Variants in PIP5K1C observed in about 807,000 individuals in gnomAD.
PIP5K1C encodes the protein phosphatidylinositol-4-phosphate 5-kinase type 1 gamma.
A neutral mutation model predicts 80.1 loss-of-function variants in PIP5K1C; 45 were observed. That is an observed-to-expected ratio of 0.56 (90% CI 0.44 to 0.72). The LOEUF (loss-of-function observed/expected upper bound fraction) is 0.72. PIP5K1C is among the 30% of genes least tolerant of loss of function. PIP5K1C has a pLI of 0.00. For synonymous variants in PIP5K1C, 498 were observed against 420.1 expected, an observed-to-expected ratio of 1.19 and a Z score of -2.27; for missense variants, 753 against 954.6, an observed-to-expected ratio of 0.79 and a Z score of 2.78.
At chr19:3,677,412 G>A (rs1162462521) in intron 1 of PIP5K1C, among the ~76,000 whole-genome samples, 7 of 151,936 alleles carry the variant, frequency 4.6e-5, no homozygotes, top group Admixed American at 3.3e-4. Flanking sequence ...GTGAAACCCC[G>A]TCTCTACTGA....
At chr19:3,646,098 G>C in intron 10 of PIP5K1C, 40 bp from the exon 11 acceptor site, 1 of 1,306,804 alleles carries the variant, frequency 7.7e-7, no homozygotes, top group Non-Finnish European at 1.1e-6. Flanking sequence ...GGCAGAGGGT[G>C]CATCAATCAA....
chr19:3,645,395 G>A (rs187415671), intron 11 of PIP5K1C, among the ~76,000 whole-genome samples: 190 of 152,260 alleles, frequency 1.2e-3, no homozygotes, highest in African/African-American at 4.3e-3. Context: ...CAGAGTCTGC[G>A]TCCAGATGCT....
chr19:3,633,677 C>A (rs986647181), intron 16 of PIP5K1C, among the ~76,000 whole-genome samples, 157 bp from the exon 17 acceptor site: 1 of 152,132 alleles, frequency 6.6e-6, no homozygotes, highest in Admixed American at 6.5e-5. Context: ...CTCTCTGACC[C>A]GGTGGACTTG....
chr19:3,695,035 G>A (rs1340388715), intron 1 of PIP5K1C, among the ~76,000 whole-genome samples: 1 of 152,270 alleles, frequency 6.6e-6, no homozygotes, highest in Non-Finnish European at 1.5e-5. Context: ...TGTGGCCGTT[G>A]CCAATAAAAC....
At chr19:3,677,252 A>C (rs1358463666) in intron 1 of PIP5K1C, among the ~76,000 whole-genome samples, 2 of 152,114 alleles carry the variant, frequency 1.3e-5, no homozygotes, top group Non-Finnish European at 2.9e-5. Context: ...ATAAGACTAG[A>C]AAAAGAGAAA....
chr19:3,633,947 G>A (rs1031747967), intron 16 of PIP5K1C, among the ~76,000 whole-genome samples: 2 of 152,130 alleles, frequency 1.3e-5, no homozygotes, highest in African/African-American at 4.8e-5. Flanking sequence ...CTCTATGGGG[G>A]TCCTGGGAGG....
At position 3,648,526 on chromosome 19, in the gene PIP5K1C, ACCCGGGCG is replaced by A. The variant is rs1259750707; in HGVS notation, c.1211+91_1211+98del. On this transcript the variant is annotated intron_variant, in intron 9 of 17. Transcript: ENST00000335312. This position sits in a 1 kb window ranked among gnomAD's most constrained non-coding sequence, Gnocchi z 4.3. ...CAGGCGCCCACCTGTGGGGCTGCAGACCCGGGCGCCCACCTGTGGGGCTGCAGACCCGG... is the reference window on the plus strand; with the variant it reads ...CAGGCGCCCACCTGTGGGGCTGCAGACCCACCTGTGGGGCTGCAGACCCGG... The A allele has an allele frequency of 2.0e-5, 9 of 444,708 alleles. No homozygotes were observed. Among genetic ancestry groups the A allele is most frequent in the South Asian group, 8.8e-5 (4 of 45,260 alleles). 27.5% of individuals were successfully genotyped at this position (444,708 alleles called of 1,614,324 possible).
chr19:3,637,232 G>A lies in PIP5K1C; in HGVS notation c.1920+1652C>T. The A allele has an allele frequency of 2.8e-6, 4 of 1,442,202 alleles. No individual in the cohort carries two copies. Among genetic ancestry groups the A allele is most frequent in the Non-Finnish European group, 3.6e-6 (4 of 1,101,918 alleles). The allele number at this position is 1,442,202 out of a possible 1,614,324, so 89.3% of individuals were successfully genotyped here. Reference sequence around the variant, plus strand: ...GGGCTGGGTCCAGGGGCAGAGAGGGGCTCGCTGGGGTCTGGCCGGGGTCCG... The same window carrying A: ...GGGCTGGGTCCAGGGGCAGAGAGGGACTCGCTGGGGTCTGGCCGGGGTCCG... On this transcript the variant is annotated intron_variant, in intron 16 of 17. Coordinates refer to ENST00000335312, the MANE Select transcript of PIP5K1C (RefSeq NM_012398.3). The surrounding 1 kb of genome is among the most constrained non-coding windows in gnomAD (Gnocchi z 7.0).
intron 1 of PIP5K1C, among the ~76,000 whole-genome samples, chr19:3,697,566 G>A (rs375708220): frequency 1.3e-5 from 2 of 152,356 alleles, no homozygotes; most frequent in African/African-American, 4.8e-5. Context: ...GGACAGGGAA[G>A]GAGTCAGTGG....
In PIP5K1C at chr19:3,688,545, G is replaced by A. The variant is rs1303367976; in HGVS notation, c.94+11752C>T. Among the ~76,000 whole-genome samples the A allele has an allele frequency of 6.6e-6, 1 of 152,162 alleles. No individual in the cohort carries two copies. Among genetic ancestry groups the A allele is most frequent in the Admixed American group, 6.5e-5 (1 of 15,278 alleles). ...TTTCAACTCCTGCTGTGAGCACCTGGCCTTTCCCTGGTCCACTGAGAGCCG... is the reference window on the plus strand; with the variant it reads ...TTTCAACTCCTGCTGTGAGCACCTGACCTTTCCCTGGTCCACTGAGAGCCG... On this transcript the variant is annotated intron_variant, in intron 1 of 17. Transcript: ENST00000335312. The surrounding 1 kb of genome is among the most constrained non-coding windows in gnomAD (Gnocchi z 5.3).
chr19:3,648,561 C>T lies in PIP5K1C; in HGVS notation c.1211+64G>A, dbSNP rs1352897293. ...CCACCTGTGGGGCTGCAGACCCGGGCGCCCACCTGTGGGACTGCAGACCCG... is the reference window on the plus strand; with the variant it reads ...CCACCTGTGGGGCTGCAGACCCGGGTGCCCACCTGTGGGACTGCAGACCCG... On this transcript the variant is annotated intron_variant, in intron 9 of 17. Transcript: ENST00000335312. This position sits in a 1 kb window ranked among gnomAD's most constrained non-coding sequence, Gnocchi z 4.3. 3.1e-5 allele frequency: 34 copies of T among 1,102,206 alleles called. No homozygotes were observed. The highest frequency in any genetic ancestry group is 4.2e-5 in the Non-Finnish European group (32 of 768,508). The allele number at this position is 1,102,206 out of a possible 1,614,324, so 68.3% of individuals were successfully genotyped here. A position where few individuals can be genotyped will look rare whatever the true frequency, so the allele number is the denominator to read the frequency against.
intron 1 of PIP5K1C, among the ~76,000 whole-genome samples, chr19:3,674,797 G>A (rs377519938): frequency 1.3e-5 from 2 of 152,294 alleles, no homozygotes; most frequent in African/African-American, 4.8e-5. Flanking sequence ...CACCGTGCCC[G>A]GCCTATCTGT....
At chr19:3,689,467 G>A (rs1205301812) in intron 1 of PIP5K1C, among the ~76,000 whole-genome samples, 1 of 151,986 alleles carries the variant, frequency 6.6e-6, no homozygotes, top group Non-Finnish European at 1.5e-5. Context: ...TGGCCAACAT[G>A]GTGAAACCCT....
At chr19:3,662,059 C>T (rs188261303) in intron 3 of PIP5K1C, 58 bp from the exon 4 acceptor site, 6 of 1,531,350 alleles carry the variant, frequency 3.9e-6, no homozygotes, top group Middle Eastern at 2.0e-4. Context: ...CCCTGCACCC[C>T]CTGTGTGCAC....
intron 1 of PIP5K1C, among the ~76,000 whole-genome samples, chr19:3,675,287 C>T (rs2035324739): frequency 6.6e-6 from 1 of 152,174 alleles, no homozygotes; most frequent in Non-Finnish European, 1.5e-5. Flanking sequence ...ATGCAGATCC[C>T]TTTAGTTGCA....
At position 3,699,410 on chromosome 19, in the gene PIP5K1C, C is replaced by G. The variant is rs543672642; in HGVS notation, c.94+887G>C. On this transcript the variant is annotated intron_variant, in intron 1 of 17. Transcript: ENST00000335312. ...TCCCCAACTCCCAGGCAGCACGCAT[C>G]GCCCGCCCGCCCGCTTGCCCGCCTG... Among the ~76,000 whole-genome samples, 51 of 152,258 alleles carry G rather than the reference C, an allele frequency of 3.3e-4. No individual in the cohort carries two copies. The South Asian group carries it at 0.011, about 32-fold the overall frequency.
intron 6 of PIP5K1C, 59 bp from the exon 7 acceptor site, chr19:3,653,648 GGCA>G: frequency 6.7e-7 from 1 of 1,493,726 alleles, no homozygotes; most frequent in Non-Finnish European, 9.1e-7. Flanking sequence ...CACGGGGGCG[GGCA>G]AAGCAGGCCT....
At position 3,637,652 on chromosome 19, in the gene PIP5K1C, A is replaced by G; in HGVS notation, c.1920+1232T>C. On this transcript the variant is annotated intron_variant, in intron 16 of 17. Transcript: ENST00000335312. This position sits in a 1 kb window ranked among gnomAD's most constrained non-coding sequence, Gnocchi z 7.0. The stretch of plus-strand genomic sequence containing the variant: ...GCCGGGTGGGCCGGAGGAGGAAGGA[A>G]AACAGAGGACAGCGGATGAGGCGGC... 1 of 1,514,816 alleles carries G rather than the reference A, an allele frequency of 6.6e-7. No homozygotes were observed. Among genetic ancestry groups the G allele is most frequent in the Non-Finnish European group, 8.8e-7 (1 of 1,134,348 alleles). 93.8% of individuals were successfully genotyped at this position (1,514,816 alleles called of 1,614,324 possible).
chr19:3,680,863 C>T (rs964938255), intron 1 of PIP5K1C, among the ~76,000 whole-genome samples: 6 of 152,136 alleles, frequency 3.9e-5, no homozygotes, highest in Admixed American at 3.3e-4. Context: ...ACTCTGCCCT[C>T]CAGGGCACAC....
Sources: gnomAD v4.1 joint callset for allele counts (sites outside exome capture counted in the v4.1 genomes callset) on GRCh38, gnomAD v4.1.1 for gene constraint, Gnocchi (gnomAD v3.1) non-coding constraint, MANE v1.5 for transcripts, NCBI Gene and HGNC (gene_info 2026-07-23, HGNC 2026-07-21) for gene names.